The following CAPSL variants were observed in gnomAD, a reference collection of about 807,000 sequenced individuals.
The protein encoded by CAPSL is calcyphosine like, also known as calcyphosin-like protein.
CAPSL carries 17 observed loss-of-function variants against 21.3 expected under a neutral mutation model. That is an observed-to-expected ratio of 0.80 (90% confidence interval 0.55 to 1.20). The LOEUF is 1.20. CAPSL is among the 50% of genes most tolerant of loss of function. The pLI is 0.00. For missense variants in CAPSL, 289 were observed against 259.3 expected (o/e 1.11, Z -0.79); for synonymous variants, 102 against 89.3 (o/e 1.14, Z -0.80).
intron 2 of CAPSL, among the ~76,000 whole-genome samples, chr5:35,916,928 A>G (rs1055141964): frequency 1.3e-5 from 2 of 152,242 alleles, no homozygotes; most frequent in African/African-American, 4.8e-5. Flanking sequence ...GTGAAGAGGC[A>G]ACCTACAGAA....
intron 2 of CAPSL, among the ~76,000 whole-genome samples, chr5:35,915,190 AC>A (rs1738340707): frequency 6.6e-6 from 1 of 152,194 alleles, no homozygotes; most frequent in Non-Finnish European, 1.5e-5. Context: ...TAGACCAATA[AC>A]AGACCCTGAA....
At chr5:35,935,151 A>G (rs185457428) in intron 1 of CAPSL, among the ~76,000 whole-genome samples, 21 of 152,148 alleles carry the variant, frequency 1.4e-4, no homozygotes, top group African/African-American at 3.9e-4. Flanking sequence ...TGCCTCAGAG[A>G]TGTACTCTCC....
At chr5:35,914,252 T>C (rs1220389175) in intron 2 of CAPSL, among the ~76,000 whole-genome samples, 1 of 152,018 alleles carries the variant, frequency 6.6e-6, no homozygotes, top group Non-Finnish European at 1.5e-5. Flanking sequence ...TCCCACACAA[T>C]AATAATGGGA....
chr5:35,918,251 C>T (rs879430284), intron 2 of CAPSL, among the ~76,000 whole-genome samples: 5 of 152,138 alleles, frequency 3.3e-5, no homozygotes, highest in Non-Finnish European at 7.4e-5. Context: ...ATGTGGCACA[C>T]ATACACCATG....
chr5:35,919,037 G>A (rs1188966871), intron 2 of CAPSL, among the ~76,000 whole-genome samples: 1 of 151,534 alleles, frequency 6.6e-6, no homozygotes, highest in African/African-American at 2.4e-5. Context: ...AAAACCGTAG[G>A]GGCTGCAGAA....
chr5:35,937,162 C>G (rs1210338687), intron 1 of CAPSL, among the ~76,000 whole-genome samples: 1 of 152,200 alleles, frequency 6.6e-6, no homozygotes, highest in Non-Finnish European at 1.5e-5. Flanking sequence ...GCAAATGTCT[C>G]CTAGTTGGTT....
intron 1 of CAPSL, among the ~76,000 whole-genome samples, chr5:35,925,979 G>C (rs1454553778): frequency 6.6e-6 from 1 of 151,670 alleles, no homozygotes; most frequent in African/African-American, 2.4e-5. Flanking sequence ...GGGAGGCTGA[G>C]GCAGGAGAAT....
In CAPSL at chr5:35,930,344, C is replaced by T. The variant is rs75817295; in HGVS notation, c.-1+8197G>A. Among the ~76,000 whole-genome samples the T allele has an allele frequency of 5.6e-3, 857 of 152,136 alleles. 6 individuals are homozygous for T. Among genetic ancestry groups the T allele is most frequent in the Middle Eastern group, 0.02 (6 of 294 alleles). ...TTGAGCTTTGAGATGTGAATTCAGT[C>T]CTTATTTTAATGTTTGTGATATGGT... On this transcript the variant is annotated intron_variant, in intron 1 of 4. Coordinates refer to ENST00000651391, the MANE Select transcript of CAPSL (RefSeq NM_001042625.2).
At chr5:35,931,779 A>G (rs916568367) in intron 1 of CAPSL, among the ~76,000 whole-genome samples, 1 of 152,242 alleles carries the variant, frequency 6.6e-6, no homozygotes. Context: ...ACAAAAGAAA[A>G]GTAAAACTTC....
intron 4 of CAPSL, among the ~76,000 whole-genome samples, chr5:35,906,011 CA>C (rs1218726599): frequency 6.6e-6 from 1 of 152,168 alleles, no homozygotes. Context: ...TCTCAGTCCT[CA>C]AAAAGTTGCA....
At chr5:35,922,117 C>T (rs1244081012) in intron 1 of CAPSL, among the ~76,000 whole-genome samples, 2 of 150,926 alleles carry the variant, frequency 1.3e-5, no homozygotes, top group Non-Finnish European at 2.9e-5. Context: ...ACCCTGGCTT[C>T]GAGGCTCCCT....
intron 1 of CAPSL, 97 bp downstream of exon 1, chr5:35,938,444 T>C (rs998691061): frequency 5.9e-5 from 9 of 152,286 alleles, no homozygotes; most frequent in African/African-American, 2.2e-4. Flanking sequence ...AGATTTTCTT[T>C]TTAGAGAGTA....
chr5:35,913,502 G>T (rs10064755), intron 2 of CAPSL, among the ~76,000 whole-genome samples: 63,475 of 152,000 alleles, frequency 0.42, 14,350 homozygotes, highest in East Asian at 0.69. Context: ...GACTAACAGC[G>T]GATCTCTCAG....
chr5:35,912,753 A>T (rs1439004917), intron 2 of CAPSL, among the ~76,000 whole-genome samples: 1 of 152,196 alleles, frequency 6.6e-6, no homozygotes, highest in Non-Finnish European at 1.5e-5. Context: ...AACCACAAAG[A>T]TGGGGAAAAA....
chr5:35,929,279 C>CTTT (rs10574026), intron 1 of CAPSL, among the ~76,000 whole-genome samples: 4 of 117,674 alleles, frequency 3.4e-5, no homozygotes, highest in South Asian at 3.1e-4. Context: ...AAAACAGTTC[C>CTTT]TTTTTTTTTT....
chr5:35,918,557 C>T (rs1430398666), intron 2 of CAPSL, among the ~76,000 whole-genome samples: 1 of 152,106 alleles, frequency 6.6e-6, no homozygotes, highest in African/African-American at 2.4e-5. Context: ...CACATGTATA[C>T]CTATGTAACA....
chr5:35,924,592 C>T (rs926082405), intron 1 of CAPSL, among the ~76,000 whole-genome samples: 1 of 152,106 alleles, frequency 6.6e-6, no homozygotes, highest in Admixed American at 6.5e-5. Context: ...GCTAGCCTAC[C>T]GTGAAACTTG....
At chr5:35,917,438 T>A (rs1297721447) in intron 2 of CAPSL, among the ~76,000 whole-genome samples, 6 of 152,184 alleles carry the variant, frequency 3.9e-5, no homozygotes, top group Non-Finnish European at 7.3e-5. Context: ...GTGGCACTAT[T>A]CACAATAGCA....
chr5:35,915,067 G>T (rs1738336933), intron 2 of CAPSL, among the ~76,000 whole-genome samples: 1 of 152,136 alleles, frequency 6.6e-6, no homozygotes, highest in African/African-American at 2.4e-5. Context: ...TACCATCAGA[G>T]AATACTATAA....
Sources: gnomAD v4.1 joint callset for allele counts (sites outside exome capture counted in the v4.1 genomes callset) on GRCh38, gnomAD v4.1.1 for gene constraint, MANE v1.5 for transcripts, NCBI Gene and HGNC (gene_info 2026-07-23, HGNC 2026-07-21) for gene names.